Variants in ALK observed in about 807,000 individuals in gnomAD.
ALK encodes ALK tyrosine kinase receptor.
In ALK, 74 loss-of-function variants were observed where a neutral mutation model predicts 163.1. The observed-to-expected ratio is 0.45, with a 90% CI of 0.38 to 0.55. The LOEUF (loss-of-function observed/expected upper bound fraction) is 0.55, where lower values mean the gene tolerates loss of function less well. Ranked by LOEUF, ALK falls within the 20% of genes least tolerant of loss-of-function variation. ALK has a pLI of 0.00. For missense variants in ALK, 2,063 were observed against 2,105.3 expected (o/e 0.98, Z 0.39); for synonymous variants, 960 against 843.2 (o/e 1.14, Z -2.40).
chr2:29,227,499 A>C lies in ALK; in HGVS notation c.2914+75T>G. On this transcript the variant is annotated intron_variant, in intron 17 of 28. Transcript: ENST00000389048. The surrounding 1 kb of genome is among the most constrained non-coding windows in gnomAD (Gnocchi z 4.4). ...TGCCTCTGTATCCTGGATACAGGTC[A>C]GAGACTCTGAGGTTTTAGCTTGGTG... The C allele has an allele frequency of 7.9e-7, 1 of 1,272,738 alleles. No homozygotes were observed. The highest frequency in any genetic ancestry group is 1.2e-6 in the Non-Finnish European group (1 of 868,542). The allele number at this position is 1,272,738 out of a possible 1,614,324, so 78.8% of individuals were successfully genotyped here. A position where few individuals can be genotyped will look rare whatever the true frequency, so the allele number is the denominator to read the frequency against.
chr2:29,233,539 T>C (rs572111019), intron 14 of ALK, 26 bp downstream of exon 14: 2 of 1,614,032 alleles, frequency 1.2e-6, no homozygotes, highest in South Asian at 1.1e-5. Context: ...AGGAACCTGG[T>C]GGAAATCTGG....
At chr2:29,274,145 G>A (rs898670705) in intron 11 of ALK, among the ~76,000 whole-genome samples, 1 of 152,220 alleles carries the variant, frequency 6.6e-6, no homozygotes, top group African/African-American at 2.4e-5. Flanking sequence ...GGGACAGAAA[G>A]GAAAGGACTC....
intron 1 of ALK, among the ~76,000 whole-genome samples, chr2:29,746,559 T>G (rs996797560): frequency 6.6e-6 from 1 of 152,222 alleles, no homozygotes; most frequent in African/African-American, 2.4e-5. Flanking sequence ...TACCCAGGCA[T>G]AGGGTTTAAT....
At chr2:29,319,531 A>T (rs1330265046) in intron 7 of ALK, among the ~76,000 whole-genome samples, 1 of 152,148 alleles carries the variant, frequency 6.6e-6, no homozygotes, top group East Asian at 1.9e-4. Context: ...GAGAGGGGGT[A>T]GTTCAGTTCT....
At chr2:29,742,886 A>G (rs767534394) in intron 1 of ALK, among the ~76,000 whole-genome samples, 5 of 152,206 alleles carry the variant, frequency 3.3e-5, no homozygotes, top group Non-Finnish European at 7.3e-5. Context: ...AGCAATGAAT[A>G]GGGCCCTTCA....
intron 7 of ALK, among the ~76,000 whole-genome samples, chr2:29,320,262 G>T (rs879038430): frequency 1.3e-5 from 2 of 152,192 alleles, no homozygotes; most frequent in African/African-American, 4.8e-5. Flanking sequence ...TAAATCAGGG[G>T]TGAGGTAGGG....
intron 3 of ALK, among the ~76,000 whole-genome samples, chr2:29,614,513 C>A (rs1675786775): frequency 6.6e-6 from 1 of 152,180 alleles, no homozygotes; most frequent in South Asian, 2.1e-4. Flanking sequence ...CAGCATGTTC[C>A]ATCCACTCCA....
rs535292258 is a variant in ALK at position 29,859,953 on chromosome 2, T to C, written c.667+60040A>G. ...GTAGAGCCTTGGGGTTCCCAAAGGA[T>C]GGGAGAAAGGAGTCAGCAAAGAATA... On this transcript the variant is annotated intron_variant, in intron 1 of 28. Coordinates refer to ENST00000389048, the MANE Select transcript of ALK (RefSeq NM_004304.5). 4.3e-4 allele frequency among the ~76,000 whole-genome samples: 66 copies of C among 151,940 alleles called. No homozygotes were observed. The South Asian group carries it at 6.5e-3, about 15-fold the overall frequency.
intron 5 of ALK, among the ~76,000 whole-genome samples, chr2:29,366,320 C>T (rs1668506656): frequency 6.6e-6 from 1 of 152,054 alleles, no homozygotes; most frequent in Admixed American, 6.6e-5. Context: ...TGAGACTTTA[C>T]CAGAAAGGTT....
At chr2:29,533,257 A>G (rs944456901) in intron 3 of ALK, among the ~76,000 whole-genome samples, 15 of 152,220 alleles carry the variant, frequency 9.9e-5, no homozygotes, top group African/African-American at 2.9e-4. Flanking sequence ...ACTGTCATAA[A>G]TAATCTACAT....
chr2:29,675,331 T>G (rs1677840429), intron 3 of ALK, among the ~76,000 whole-genome samples: 2 of 152,106 alleles, frequency 1.3e-5, no homozygotes, highest in South Asian at 4.1e-4. Context: ...CAGATTCTAT[T>G]TTTTTCTCTA....
intron 11 of ALK, among the ~76,000 whole-genome samples, chr2:29,255,114 C>T (rs1401293639): frequency 6.6e-6 from 1 of 152,206 alleles, no homozygotes; most frequent in South Asian, 2.1e-4. Flanking sequence ...CCTTGGATGG[C>T]TCTGACCCTC....
At chr2:29,392,026 T>C (rs191372834) in intron 4 of ALK, among the ~76,000 whole-genome samples, 10 of 128,796 alleles carry the variant, frequency 7.8e-5, no homozygotes, top group Admixed American at 2.1e-4. Flanking sequence ...GCGGATGCTG[T>C]TGTTATTATT....
intron 1 of ALK, among the ~76,000 whole-genome samples, chr2:29,737,547 C>A (rs781126348): frequency 6.6e-6 from 1 of 151,850 alleles, no homozygotes; most frequent in Non-Finnish European, 1.5e-5. Flanking sequence ...AGCAAAATCT[C>A]TTGGCTATGG....
At chr2:29,523,801 C>G (rs961374937) in intron 4 of ALK, among the ~76,000 whole-genome samples, 1 of 149,354 alleles carries the variant, frequency 6.7e-6, no homozygotes, top group Non-Finnish European at 1.5e-5. Flanking sequence ...TCAAAAGAGC[C>G]TCACTACAAG....
chr2:29,481,879 T>A (rs1260852338), intron 4 of ALK, among the ~76,000 whole-genome samples: 1 of 152,232 alleles, frequency 6.6e-6, no homozygotes, highest in African/African-American at 2.4e-5. Flanking sequence ...AGAATGACTT[T>A]CTGTTTGATT....
intron 4 of ALK, among the ~76,000 whole-genome samples, chr2:29,519,286 A>G (rs575583931): frequency 5.3e-5 from 8 of 152,290 alleles, no homozygotes; most frequent in African/African-American, 1.9e-4. Context: ...AGCCTCTTGC[A>G]TTGTTTTGGG....
intron 1 of ALK, among the ~76,000 whole-genome samples, chr2:29,752,182 TTTTG>T (rs773212065): frequency 7.9e-5 from 12 of 151,504 alleles, no homozygotes; most frequent in South Asian, 4.2e-4. Flanking sequence ...TTTTGCCTTT[TTTTG>T]TTTATTTTTA....
chr2:29,456,626 T>G (rs1223015800), intron 4 of ALK, among the ~76,000 whole-genome samples: 1 of 152,118 alleles, frequency 6.6e-6, no homozygotes, highest in East Asian at 1.9e-4. Context: ...CATTCTGGAG[T>G]TGGATGGCAG....
Sources: gnomAD v4.1 joint callset for allele counts (sites outside exome capture counted in the v4.1 genomes callset) on GRCh38, gnomAD v4.1.1 for gene constraint, Gnocchi (gnomAD v3.1) non-coding constraint, MANE v1.5 for transcripts, NCBI Gene and HGNC (gene_info 2026-07-23, HGNC 2026-07-21) for gene names.